Variants in MED12L observed in about 807,000 individuals in gnomAD.
MED12L encodes the protein mediator of RNA polymerase II transcription subunit 12-like protein.
Under a neutral mutation model 281.3 loss-of-function variants are expected in MED12L, and 60 were observed. The ratio of observed to expected loss-of-function variants is 0.21; its 90% CI spans 0.17 to 0.26. The LOEUF is 0.26. MED12L is among the 10% of genes least tolerant of loss of function. The pLI, the probability that MED12L is intolerant of heterozygous loss-of-function variation, is 1.00. For synonymous variants in MED12L, 974 were observed against 987.2 expected (o/e 0.99, Z 0.25); for missense variants, 2,146 against 2,680.9 (o/e 0.80, Z 4.41).
At chr3:151,105,801 C>T (rs1422601030) in intron 2 of MED12L, among the ~76,000 whole-genome samples, 3 of 152,130 alleles carry the variant, frequency 2.0e-5, no homozygotes, top group Non-Finnish European at 4.4e-5. Flanking sequence ...AGCTGAGTGC[C>T]TACTAGAAAC....
At chr3:151,338,209 T>C in intron 16 of MED12L, 2 of 1,614,144 alleles carry the variant, frequency 1.2e-6, no homozygotes, top group Non-Finnish European at 1.7e-6. Flanking sequence ...AGTTCTTTTG[T>C]AATGAGTGTA....
At chr3:151,355,359 T>C in intron 18 of MED12L, 120 bp downstream of exon 18, 2 of 640,022 alleles carry the variant, frequency 3.1e-6, no homozygotes, top group Non-Finnish European at 5.4e-6. Flanking sequence ...TAAACATACT[T>C]GGAAGTATCT....
chr3:151,214,362 T>A (rs1727774098), intron 16 of MED12L: 1 of 1,524,692 alleles, frequency 6.6e-7, no homozygotes, highest in African/African-American at 1.4e-5. Context: ...TGTGAACTGG[T>A]CACTCATAGG....
At chr3:151,411,185 C>A (rs16863368) in intron 40 of MED12L, 93 bp from the exon 41 acceptor site, 5 of 1,037,356 alleles carry the variant, frequency 4.8e-6, no homozygotes, top group Non-Finnish European at 5.9e-6. Flanking sequence ...CAGGGGAGTC[C>A]TCATGGGTTT....
At chr3:151,124,942 G>A (rs1276261752) in intron 4 of MED12L, among the ~76,000 whole-genome samples, 2 of 152,220 alleles carry the variant, frequency 1.3e-5, no homozygotes, top group Admixed American at 6.5e-5. Context: ...CCCTTGCTTA[G>A]CAAACAGAGG....
At position 151,126,738 on chromosome 3, in the gene MED12L, G is replaced by A. The variant is rs148563257; in HGVS notation, c.397-1087G>A. 5.1e-4 allele frequency among the ~76,000 whole-genome samples: 77 copies of A among 152,316 alleles called. 1 individual carries two copies. Among genetic ancestry groups the A allele is most frequent in the African/African-American group, 1.8e-3 (73 of 41,556 alleles). On this transcript the variant is annotated intron_variant, in intron 4 of 44. Transcript: ENST00000687756. ...AAAGGGTCACATCCATGGCCTGAAA[G>A]CACTTTGGTTGGCATGGAGAAATCC...
intron 40 of MED12L, among the ~76,000 whole-genome samples, chr3:151,410,811 G>T (rs1217900466): frequency 6.6e-6 from 1 of 152,188 alleles, no homozygotes; most frequent in African/African-American, 2.4e-5. Context: ...ACCTGAAGAG[G>T]TGTAGTCACA....
intron 26 of MED12L, among the ~76,000 whole-genome samples, chr3:151,371,294 C>T (rs1756152881): frequency 6.6e-6 from 1 of 152,094 alleles, no homozygotes; most frequent in African/African-American, 2.4e-5. Flanking sequence ...TTAATTTCTA[C>T]AATGTAACTC....
In MED12L at chr3:151,244,208, C is replaced by T. The variant is rs573154892; in HGVS notation, c.2250+50542C>T. On this transcript the variant is annotated intron_variant, in intron 16 of 44. Transcript: ENST00000687756. The stretch of plus-strand genomic sequence containing the variant: ...CCACTGTCAACATTAGACAGATCAA[C>T]GAGACAGAAAGTCAACAAGGATACC... 4.5e-4 allele frequency among the ~76,000 whole-genome samples: 61 copies of T among 136,884 alleles called. 1 individual carries two copies. Among genetic ancestry groups the T allele is most frequent in the African/African-American group, 1.5e-3 (56 of 38,444 alleles). The allele number at this position is 136,884 out of a possible 152,430, so 89.8% of individuals were successfully genotyped here.
intron 16 of MED12L, among the ~76,000 whole-genome samples, chr3:151,254,716 A>G (rs893359774): frequency 5.9e-5 from 9 of 152,178 alleles, no homozygotes; most frequent in African/African-American, 9.7e-5. Flanking sequence ...TAGCATTACA[A>G]CTCAACAGGC....
intron 43 of MED12L, among the ~76,000 whole-genome samples, chr3:151,424,478 G>A (rs889696161): frequency 6.6e-6 from 1 of 152,076 alleles, no homozygotes; most frequent in Non-Finnish European, 1.5e-5. Context: ...AATTAGCTGG[G>A]TGTGGTGGTG....
At chr3:151,260,513 C>A (rs1738658445) in intron 16 of MED12L, among the ~76,000 whole-genome samples, 1 of 152,028 alleles carries the variant, frequency 6.6e-6, no homozygotes, top group African/African-American at 2.4e-5. Context: ...CTGTGTCCAG[C>A]TAATTTTTAT....
chr3:151,096,098 G>A (rs375777164), intron 2 of MED12L, among the ~76,000 whole-genome samples: 98 of 152,284 alleles, frequency 6.4e-4, no homozygotes, highest in African/African-American at 2.2e-3. Flanking sequence ...ATGATAGCTG[G>A]ATCTGGGGCA....
At chr3:151,139,311 T>C (rs1237323036) in intron 5 of MED12L, among the ~76,000 whole-genome samples, 2 of 152,194 alleles carry the variant, frequency 1.3e-5, no homozygotes, top group Non-Finnish European at 2.9e-5. Flanking sequence ...GCCCTGGTTG[T>C]CTTTAAAGGA....
At chr3:151,301,087 A>G (rs570671529) in intron 16 of MED12L, among the ~76,000 whole-genome samples, 1 of 152,280 alleles carries the variant, frequency 6.6e-6, no homozygotes, top group Admixed American at 6.5e-5. Context: ...GAAGTCAGAA[A>G]GTGTTTTTTT....
chr3:151,263,413 A>G (rs570112796), intron 16 of MED12L, among the ~76,000 whole-genome samples: 10 of 152,334 alleles, frequency 6.6e-5, no homozygotes, highest in Admixed American at 2.0e-4. Context: ...ACAATTTGCT[A>G]TCATAGTGAA....
In MED12L at chr3:151,135,069, C is replaced by G. The variant is rs992134947; in HGVS notation, c.556+7085C>G. On this transcript the variant is annotated intron_variant, in intron 5 of 44. Transcript: ENST00000687756. The stretch of plus-strand genomic sequence containing the variant: ...TTGAGATGGAGTCTCCTCTGTTGCT[C>G]AGGCTGGAGTGCATTGGTGTGATCT... Among the ~76,000 whole-genome samples the G allele has an allele frequency of 2.6e-5, 4 of 152,336 alleles. No homozygotes were observed. In the East Asian group the frequency reaches 5.8e-4, roughly 22 times the overall value.
chr3:151,344,851 G>A (rs528657068), intron 16 of MED12L, among the ~76,000 whole-genome samples: 40 of 152,242 alleles, frequency 2.6e-4, no homozygotes, highest in South Asian at 6.2e-4. Context: ...ATGTGAGTAA[G>A]GTGAAAGGAT....
At chr3:151,210,676 A>G (rs1727021056) in intron 16 of MED12L, among the ~76,000 whole-genome samples, 1 of 152,216 alleles carries the variant, frequency 6.6e-6, no homozygotes, top group South Asian at 2.1e-4. Context: ...TCTGCATTCC[A>G]CATGTTACAG....
Sources: allele counts gnomAD v4.1 joint callset (sites outside exome capture counted in the v4.1 genomes callset), GRCh38; gene constraint gnomAD v4.1.1; transcripts MANE v1.5; gene names NCBI Gene and HGNC (gene_info 2026-07-23, HGNC 2026-07-21).